The following NRXN1 variants were observed in gnomAD, a reference collection of about 807,000 sequenced individuals.
The protein encoded by NRXN1 is neurexin 1, also known as neurexin-1.
NRXN1 carries 39 observed loss-of-function variants against 150.9 expected under a neutral mutation model. The observed-to-expected ratio is 0.26, with a 90% confidence interval of 0.20 to 0.34. NRXN1 has a LOEUF of 0.34. NRXN1 is among the 10% of genes least tolerant of loss of function. The pLI is 1.00. For missense variants in NRXN1, 1,815 were observed against 1,949.9 expected (o/e 0.93, Z 1.30); for synonymous variants, 924 against 757.0 (o/e 1.22, Z -3.62).
intron 2 of NRXN1, among the ~76,000 whole-genome samples, chr2:50,967,601 G>C (rs1694305422): frequency 6.6e-6 from 1 of 152,006 alleles, no homozygotes; most frequent in African/African-American, 2.4e-5. Context: ...CATTTATAGA[G>C]ATGTAATGAT....
intron 18 of NRXN1, among the ~76,000 whole-genome samples, chr2:50,151,203 C>T (rs2058675425): frequency 6.6e-6 from 1 of 151,684 alleles, no homozygotes; most frequent in Non-Finnish European, 1.5e-5. Flanking sequence ...CTTTCCTCAG[C>T]TTTGTTATTT....
chr2:50,726,902 T>C (rs1182430301), intron 5 of NRXN1, among the ~76,000 whole-genome samples: 1 of 152,154 alleles, frequency 6.6e-6, no homozygotes, highest in Admixed American at 6.5e-5. Context: ...AGTAACTGAA[T>C]CTTAATTCAT....
intron 12 of NRXN1, among the ~76,000 whole-genome samples, chr2:50,523,879 T>C (rs1008743056): frequency 1.3e-5 from 2 of 152,228 alleles, no homozygotes; most frequent in African/African-American, 4.8e-5. Flanking sequence ...TTATATGTAA[T>C]TGTGTTGTCT....
chr2:50,272,244 C>A (rs778117394), intron 17 of NRXN1, among the ~76,000 whole-genome samples: 10 of 152,178 alleles, frequency 6.6e-5, no homozygotes, highest in Non-Finnish European at 1.2e-4. Context: ...GAAGTACATT[C>A]TATCACCACA....
At chr2:50,139,324 C>CAAAA (rs35142652) in intron 18 of NRXN1, among the ~76,000 whole-genome samples, 1 of 77,382 alleles carries the variant, frequency 1.3e-5, no homozygotes, top group Non-Finnish European at 2.6e-5. Context: ...GACTTGGTAT[C>CAAAA]AAAAAAAAAA....
At chr2:50,185,385 G>A (rs1574381570) in intron 18 of NRXN1, among the ~76,000 whole-genome samples, 1 of 152,102 alleles carries the variant, frequency 6.6e-6, no homozygotes, top group East Asian at 1.9e-4. Context: ...TATTTGTATT[G>A]TATCTCTTGA....
chr2:50,375,479 A>G (rs2080415160), intron 17 of NRXN1, among the ~76,000 whole-genome samples: 1 of 150,160 alleles, frequency 6.7e-6, no homozygotes, highest in African/African-American at 2.5e-5. Context: ...AAAATTTGAA[A>G]GCTAGTCTGT....
intron 2 of NRXN1, among the ~76,000 whole-genome samples, chr2:50,999,608 T>G (rs1227080184): frequency 2.0e-5 from 3 of 152,014 alleles, no homozygotes; most frequent in Admixed American, 2.0e-4. Context: ...TCAGACCAGC[T>G]GACACTTAGG....
At chr2:50,135,743 C>T (rs1574101170) in intron 18 of NRXN1, among the ~76,000 whole-genome samples, 1 of 151,978 alleles carries the variant, frequency 6.6e-6, no homozygotes, top group East Asian at 1.9e-4. Context: ...AGAAGCTGCC[C>T]AATAATGTCT....
rs376053496 is a variant in NRXN1 at position 51,029,094 on chromosome 2, C to G, written c.-821G>C. 9 of 152,388 alleles carry G rather than the reference C, an allele frequency of 5.9e-5. No homozygotes were observed. The East Asian group carries it at 1.7e-3, about 29-fold the overall frequency. The allele number at this position is 152,388 out of a possible 1,614,324, so 9.4% of individuals were successfully genotyped here. On this transcript the variant is annotated 5_prime_UTR_variant, in exon 2 of 23. Coordinates refer to ENST00000401669, the MANE Select transcript of NRXN1 (RefSeq NM_001330078.2). ...ATCGCAACAGCTCCTCTTCTTTTCT[C>G]TCTGCCTCTGCAGGGCCAAGCTAAG...
intron 5 of NRXN1, among the ~76,000 whole-genome samples, chr2:50,627,373 G>GTGTGTA (rs1295781686): frequency 1.2e-4 from 18 of 150,978 alleles, no homozygotes; most frequent in African/African-American, 4.1e-4. Flanking sequence ...GTGTGTGTGT[G>GTGTGTA]TGTGTGTGTG....
intron 5 of NRXN1, among the ~76,000 whole-genome samples, chr2:50,656,621 G>T (rs1325048746): frequency 6.6e-6 from 1 of 151,804 alleles, no homozygotes; most frequent in African/African-American, 2.4e-5. Context: ...TGAATGACAG[G>T]AATTCCGTTT....
rs149453635 is a variant in NRXN1, at chr2:50,757,809, T to C, written c.833-134194A>G. Reference sequence around the variant, plus strand: ...TTTGTCGGCCTTACAATTCTCAATATTGATGCATGCTGTGAAAGTGCAAGA... The same window carrying C: ...TTTGTCGGCCTTACAATTCTCAATACTGATGCATGCTGTGAAAGTGCAAGA... On this transcript the variant is annotated intron_variant, in intron 5 of 22. Transcript: ENST00000401669. Among the ~76,000 whole-genome samples, 89 of 151,632 alleles carry C rather than the reference T, an allele frequency of 5.9e-4. 1 individual carries two copies. The East Asian group carries it at 0.017, about 28-fold the overall frequency.
chr2:50,083,403 A>G (rs1010593464), intron 19 of NRXN1, among the ~76,000 whole-genome samples: 3 of 152,168 alleles, frequency 2.0e-5, no homozygotes, highest in Non-Finnish European at 2.9e-5. Context: ...TTTAACAGAA[A>G]ATAAAAAAAT....
intron 5 of NRXN1, among the ~76,000 whole-genome samples, chr2:50,781,286 T>C (rs1392529113): frequency 6.6e-6 from 1 of 151,998 alleles, no homozygotes; most frequent in Non-Finnish European, 1.5e-5. Context: ...TTTATTATAC[T>C]GAAGAATATA....
At chr2:50,311,251 T>C (rs546701362) in intron 17 of NRXN1, among the ~76,000 whole-genome samples, 3 of 152,288 alleles carry the variant, frequency 2.0e-5, no homozygotes, top group South Asian at 2.1e-4. Flanking sequence ...TGAAGTTTCA[T>C]ACTTTTCAAT....
rs562336384 is a variant in NRXN1 at position 50,829,816 on chromosome 2, A to G, written c.832+92053T>C. ...ATGAAGTAACTTAACTTTTGGTAAC[A>G]TAATATATAACTTCTCTTTCACAGA... On this transcript the variant is annotated intron_variant, in intron 5 of 22. Transcript: ENST00000401669. The G allele has an allele frequency of 5.8e-4, 813 of 1,408,112 alleles. 1 individual carries two copies. The highest frequency in any genetic ancestry group is 7.7e-4 in the Admixed American group (34 of 44,386). 87.2% of individuals were successfully genotyped at this position (1,408,112 alleles called of 1,614,324 possible). A position where few individuals can be genotyped will look rare whatever the true frequency, so the allele number is the denominator to read the frequency against.
At chr2:50,508,414 G>GAAA (rs59406629) in intron 12 of NRXN1, among the ~76,000 whole-genome samples, 2 of 148,244 alleles carry the variant, frequency 1.3e-5, no homozygotes, top group Non-Finnish European at 1.5e-5. Flanking sequence ...GTTCCAGGAT[G>GAAA]AAAAAAAAAA....
chr2:50,975,810 G>A (rs753660675), intron 2 of NRXN1, among the ~76,000 whole-genome samples: 1 of 151,950 alleles, frequency 6.6e-6, no homozygotes, highest in Non-Finnish European at 1.5e-5. Flanking sequence ...CATACCTTTG[G>A]TACTAGTGTG....
Sources: allele counts gnomAD v4.1 joint callset (sites outside exome capture counted in the v4.1 genomes callset), GRCh38; gene constraint gnomAD v4.1.1; transcripts MANE v1.5; gene names NCBI Gene and HGNC (gene_info 2026-07-23, HGNC 2026-07-21).